ZNF277: variants seen among roughly 807,000 people sequenced by gnomAD.
ZNF277 encodes the protein zinc finger protein 277, also known as nuclear receptor-interacting factor 4.
ZNF277 carries 55 observed loss-of-function variants against 60.7 expected under a neutral mutation model. The ratio of observed to expected loss-of-function variants is 0.91; its 90% CI spans 0.73 to 1.13. The LOEUF (loss-of-function observed/expected upper bound fraction) is 1.13, where lower values mean the gene tolerates loss of function less well. Ranked by LOEUF, ZNF277 falls within the 50% of genes most tolerant of loss-of-function variation. ZNF277 has a pLI of 0.00. For synonymous variants in ZNF277, 178 were observed against 179.3 expected (o/e 0.99, Z 0.06); for missense variants, 510 against 523.0 (o/e 0.98, Z 0.24).
At chr7:112,338,282 G>A (rs1793371560) in intron 9 of ZNF277, among the ~76,000 whole-genome samples, 1 of 152,152 alleles carries the variant, frequency 6.6e-6, no homozygotes, top group South Asian at 2.1e-4. Context: ...AGAAACTAGG[G>A]AGCATTCCTA....
chr7:112,258,554 A>G (rs2117020356), intron 1 of ZNF277, among the ~76,000 whole-genome samples: 2 of 152,274 alleles, frequency 1.3e-5, no homozygotes, highest in South Asian at 4.1e-4. Flanking sequence ...GCACTGTGCT[A>G]CTATTATGAA....
intron 1 of ZNF277, among the ~76,000 whole-genome samples, chr7:112,259,474 G>A (rs1182816714): frequency 2.0e-5 from 3 of 152,102 alleles, no homozygotes; most frequent in African/African-American, 4.8e-5. Context: ...GATACTTCCC[G>A]AAGATTTCTT....
intron 1 of ZNF277, among the ~76,000 whole-genome samples, 162 bp from the exon 2 acceptor site, chr7:112,286,708 GATA>G (rs1196190545): frequency 6.6e-6 from 1 of 152,102 alleles, no homozygotes; most frequent in Admixed American, 6.6e-5. Context: ...TGTTTAAAAT[GATA>G]ATAAAGTATC....
intron 1 of ZNF277, among the ~76,000 whole-genome samples, chr7:112,237,807 C>A (rs1050018368): frequency 6.6e-6 from 1 of 152,136 alleles, no homozygotes; most frequent in Non-Finnish European, 1.5e-5. Context: ...GGAGGGAATC[C>A]TCCCTAACGT....
chr7:112,260,112 C>G (rs932151737), intron 1 of ZNF277, among the ~76,000 whole-genome samples: 1 of 152,092 alleles, frequency 6.6e-6, no homozygotes, highest in African/African-American at 2.4e-5. Flanking sequence ...ACTAAAAATA[C>G]AAAAATTATC....
chr7:112,288,782 CACTAGAAGAGGACCAGT>C lies in ZNF277; in HGVS notation c.293+1709_293+1725del, dbSNP rs567813278. ...CTCAGTCAAAGAGGACAACCATCTC[CACTAGAAGAGGACCAGT>C]CTTTGGTCAAGGGTATACGAGTAGC... On this transcript the variant is annotated intron_variant, in intron 2 of 11. Coordinates refer to ENST00000361822, the MANE Select transcript of ZNF277 (RefSeq NM_021994.3). 668 of 152,912 alleles carry C rather than the reference CACTAGAAGAGGACCAGT, an allele frequency of 4.4e-3. 3 individuals are homozygous for C. The highest frequency in any genetic ancestry group is 6.5e-3 in the Non-Finnish European group (445 of 67,982). The allele number at this position is 152,912 out of a possible 1,614,324, so 9.5% of individuals were successfully genotyped here. A position where few individuals can be genotyped will look rare whatever the true frequency, so the allele number is the denominator to read the frequency against.
Position 112,339,599 on chromosome 7 carries a change from G to A in ZNF277, c.967-244G>A, listed in dbSNP as rs369645887. ...CTCCCAAAGTGCTGGGATTATAGGC[G>A]TGAGCCACCGCGCCCGGCCCAATTA... On this transcript the variant is annotated intron_variant, in intron 9 of 11. Coordinates refer to ENST00000361822, the MANE Select transcript of ZNF277 (RefSeq NM_021994.3). Among the ~76,000 whole-genome samples, 11 of 152,284 alleles carry A rather than the reference G, an allele frequency of 7.2e-5. No individual in the cohort carries two copies. The East Asian group carries it at 1.5e-3, about 21-fold the overall frequency.
At chr7:112,271,421 A>G (rs1014438082) in intron 1 of ZNF277, among the ~76,000 whole-genome samples, 1 of 152,164 alleles carries the variant, frequency 6.6e-6, no homozygotes, top group African/African-American at 2.4e-5. Context: ...TGGAGATGGG[A>G]TTTATGATAC....
At chr7:112,239,700 G>A (rs749436492) in intron 1 of ZNF277, among the ~76,000 whole-genome samples, 8 of 152,176 alleles carry the variant, frequency 5.3e-5, no homozygotes. Context: ...GAAAGAAAAG[G>A]ATGTTAATGA....
chr7:112,244,939 T>C (rs1791049025), intron 1 of ZNF277, among the ~76,000 whole-genome samples: 1 of 152,200 alleles, frequency 6.6e-6, no homozygotes, highest in Admixed American at 6.5e-5. Context: ...TGAAATGTAA[T>C]GTGTTCCACC....
chr7:112,245,040 C>A (rs1052478350), intron 1 of ZNF277, among the ~76,000 whole-genome samples: 2 of 152,018 alleles, frequency 1.3e-5, no homozygotes, highest in African/African-American at 4.8e-5. Flanking sequence ...AATTATATAT[C>A]TTTTGAATAA....
intron 1 of ZNF277, among the ~76,000 whole-genome samples, chr7:112,265,538 A>G (rs1196796658): frequency 6.6e-6 from 1 of 152,206 alleles, no homozygotes; most frequent in Admixed American, 6.6e-5. Flanking sequence ...TGCCAAAATT[A>G]CCAAAATTTG....
intron 4 of ZNF277, among the ~76,000 whole-genome samples, chr7:112,299,709 T>A (rs570501462): frequency 5.3e-5 from 8 of 152,186 alleles, no homozygotes; most frequent in Non-Finnish European, 1.2e-4. Flanking sequence ...GGATGTATAA[T>A]GTATTCAGTG....
intron 1 of ZNF277, among the ~76,000 whole-genome samples, chr7:112,238,909 G>A (rs879420269): frequency 1.1e-4 from 17 of 151,900 alleles, no homozygotes; most frequent in African/African-American, 3.4e-4. Flanking sequence ...GAACGTGCCC[G>A]ACCTCATCCG....
In ZNF277 at chr7:112,215,722, GT is replaced by G. The variant is rs199716061; in HGVS notation, c.91+8922del. On this transcript the variant is annotated intron_variant, in intron 1 of 11. Transcript: ENST00000361822. ...TTCTCTAATACTGTCCTCATTTCATGTTTTTTTCTTAACTGAAAGAACTCTC... is the reference window on the plus strand; with the variant it reads ...TTCTCTAATACTGTCCTCATTTCATGTTTTTTCTTAACTGAAAGAACTCTC... Among the ~76,000 whole-genome samples the G allele has an allele frequency of 4.7e-3, 712 of 152,192 alleles. 4 individuals are homozygous for G. The highest frequency in any genetic ancestry group is 0.024 in the East Asian group (126 of 5,186).
chr7:112,334,179 A>C (rs765937646), intron 7 of ZNF277, among the ~76,000 whole-genome samples: 1 of 152,112 alleles, frequency 6.6e-6, no homozygotes, highest in Non-Finnish European at 1.5e-5. Context: ...AAGCACATGT[A>C]AGTGTGTATG....
chr7:112,324,288 A>G (rs1323264897), intron 5 of ZNF277, among the ~76,000 whole-genome samples: 1 of 152,252 alleles, frequency 6.6e-6, no homozygotes, highest in African/African-American at 2.4e-5. Context: ...AATTTATTGC[A>G]TATTGCACTG....
At chr7:112,235,090 A>G (rs1279998913) in intron 1 of ZNF277, among the ~76,000 whole-genome samples, 4 of 151,964 alleles carry the variant, frequency 2.6e-5, no homozygotes, top group Non-Finnish European at 4.4e-5. Flanking sequence ...TTTGTGTACT[A>G]CTGTGTTTTA....
chr7:112,262,642 AG>A (rs1431219522), intron 1 of ZNF277, among the ~76,000 whole-genome samples: 1 of 152,164 alleles, frequency 6.6e-6, no homozygotes, highest in Admixed American at 6.6e-5. Context: ...TAAACAATAT[AG>A]AGGGCTACAT....
Sources: allele counts gnomAD v4.1 joint callset (sites outside exome capture counted in the v4.1 genomes callset), GRCh38; gene constraint gnomAD v4.1.1; transcripts MANE v1.5; gene names NCBI Gene and HGNC (gene_info 2026-07-23, HGNC 2026-07-21).